DLG2: variants seen among roughly 807,000 people sequenced by gnomAD.
The protein encoded by DLG2 is disks large homolog 2.
A neutral mutation model predicts 132.5 loss-of-function variants in DLG2; 45 were observed. That is an observed-to-expected ratio of 0.34 (90% CI 0.27 to 0.44). DLG2 has a LOEUF of 0.44. DLG2 is among the 20% of genes least tolerant of loss of function. The pLI, the probability that DLG2 is intolerant of heterozygous loss-of-function variation, is 1.00. For missense variants in DLG2, 1,045 were observed against 1,196.9 expected (o/e 0.87, Z 1.87); for synonymous variants, 424 against 419.6 (o/e 1.01, Z -0.13).
chr11:83,930,281 A>T, intron 15 of DLG2, 47 bp downstream of exon 15: 1 of 1,603,400 alleles, frequency 6.2e-7, no homozygotes, highest in Non-Finnish European at 8.5e-7. Flanking sequence ...ATCCTTGTGG[A>T]AGCACATGCA....
At chr11:84,789,827 C>T (rs1470607507) in intron 6 of DLG2, among the ~76,000 whole-genome samples, 2 of 152,104 alleles carry the variant, frequency 1.3e-5, no homozygotes, top group Non-Finnish European at 2.9e-5. Context: ...AAAAGTGAGA[C>T]CATGCTAAGG....
intron 6 of DLG2, among the ~76,000 whole-genome samples, chr11:85,026,008 A>C (rs2060483813): frequency 1.3e-5 from 2 of 152,032 alleles, no homozygotes; most frequent in Non-Finnish European, 2.9e-5. Flanking sequence ...TACATAAGAC[A>C]ATAAAGATTT....
At position 85,407,752 on chromosome 11, in the gene DLG2, G is replaced by A. The variant is rs147262596; in HGVS notation, c.41-122387C>T. ...TACAACACAGAATTGTCCCACCCAA[G>A]AAGCAGGGAGATGGAATAATACTTA... On this transcript the variant is annotated intron_variant, in intron 3 of 27. Coordinates refer to ENST00000376104, the MANE Select transcript of DLG2 (RefSeq NM_001142699.3). Among the ~76,000 whole-genome samples, 574 of 151,930 alleles carry A rather than the reference G, an allele frequency of 3.8e-3. 7 individuals carry two copies. Among genetic ancestry groups the A allele is most frequent in the African/African-American group, 0.012 (498 of 41,498 alleles).
chr11:84,184,601 T>G (rs1408166738), intron 8 of DLG2, among the ~76,000 whole-genome samples: 2 of 152,184 alleles, frequency 1.3e-5, no homozygotes, highest in Non-Finnish European at 2.9e-5. Flanking sequence ...AATTCTGGCT[T>G]TTGTTGCCAT....
chr11:85,498,201 C>T (rs1006676377), intron 3 of DLG2, among the ~76,000 whole-genome samples: 2 of 152,092 alleles, frequency 1.3e-5, no homozygotes, highest in Non-Finnish European at 2.9e-5. Flanking sequence ...TGTGCAAATA[C>T]ACACACAGGC....
intron 6 of DLG2, among the ~76,000 whole-genome samples, chr11:84,627,125 C>A (rs2099624200): frequency 6.6e-6 from 1 of 152,060 alleles, no homozygotes. Flanking sequence ...CCTGCCTCAG[C>A]CTCCTAAAGT....
At chr11:83,890,110 T>C (rs989101297) in intron 15 of DLG2, among the ~76,000 whole-genome samples, 10 of 151,900 alleles carry the variant, frequency 6.6e-5, no homozygotes, top group Non-Finnish European at 1.2e-4. Flanking sequence ...TAAAGTACAA[T>C]AATAATAATA....
At chr11:83,818,007 C>T (rs1253090725) in intron 17 of DLG2, among the ~76,000 whole-genome samples, 1 of 152,218 alleles carries the variant, frequency 6.6e-6, no homozygotes, top group African/African-American at 2.4e-5. Flanking sequence ...CTCTCAAACA[C>T]ATACATTCCT....
chr11:83,518,335 A>G (rs1565601721), intron 21 of DLG2, among the ~76,000 whole-genome samples: 1 of 152,288 alleles, frequency 6.6e-6, no homozygotes, highest in East Asian at 1.9e-4. Flanking sequence ...GCGGGATATA[A>G]TCTCCTGGTG....
intron 3 of DLG2, among the ~76,000 whole-genome samples, chr11:85,476,385 T>C (rs1376290801): frequency 3.3e-5 from 5 of 152,166 alleles, no homozygotes; most frequent in Non-Finnish European, 5.9e-5. Flanking sequence ...TACACTACTG[T>C]AGACTTTATA....
chr11:85,613,040 T>C lies in DLG2; in HGVS notation c.-93+13547A>G, dbSNP rs2081106847. 1.3e-5 allele frequency among the ~76,000 whole-genome samples: 2 copies of C among 152,244 alleles called. 1 individual carries two copies. The highest frequency in any genetic ancestry group is 6.8e-3 in the Middle Eastern group (2 of 294). On this transcript the variant is annotated intron_variant, in intron 2 of 27. Coordinates refer to ENST00000376104, the MANE Select transcript of DLG2 (RefSeq NM_001142699.3). ...TTATACTAACCAGTCAGGGATAGTA[T>C]GAGATGCTGTCCGGCGTTTATAGGA...
chr11:85,341,213 A>G (rs1460733948), intron 3 of DLG2, among the ~76,000 whole-genome samples: 2 of 151,892 alleles, frequency 1.3e-5, no homozygotes, highest in Admixed American at 1.3e-4. Flanking sequence ...CCACCTCCCA[A>G]GTTCATGCCA....
Position 84,026,406 on chromosome 11 carries a change from C to T in DLG2, c.919+32909G>A, listed in dbSNP as rs375808757. Among the ~76,000 whole-genome samples the T allele has an allele frequency of 1.2e-3, 179 of 152,076 alleles. 2 individuals are homozygous for T. Among genetic ancestry groups the T allele is most frequent in the African/African-American group, 4.0e-3 (165 of 41,508 alleles). ...ATAATACAATACTGTGGCCTTATAA[C>T]GATTAGACTTGTAAAATCATAGAGC... On this transcript the variant is annotated intron_variant, in intron 11 of 27. Transcript: ENST00000376104.
intron 6 of DLG2, among the ~76,000 whole-genome samples, chr11:84,693,558 C>T (rs977552130): frequency 3.3e-5 from 5 of 151,552 alleles, no homozygotes; most frequent in African/African-American, 9.7e-5. Context: ...TTCCACATGC[C>T]GCAGGAAAAA....
intron 3 of DLG2, among the ~76,000 whole-genome samples, chr11:85,542,270 G>A (rs1598394111): frequency 6.6e-6 from 1 of 152,034 alleles, no homozygotes; most frequent in East Asian, 1.9e-4. Flanking sequence ...AAGAAATGGG[G>A]CACCACCTTC....
intron 3 of DLG2, among the ~76,000 whole-genome samples, chr11:85,399,444 T>C (rs1323679321): frequency 2.6e-5 from 4 of 152,148 alleles, no homozygotes; most frequent in Non-Finnish European, 5.9e-5. Context: ...AAAGTTCATA[T>C]GGAACCAAAA....
chr11:84,474,110 A>G (rs970590436), intron 7 of DLG2, among the ~76,000 whole-genome samples: 6 of 151,970 alleles, frequency 3.9e-5, no homozygotes, highest in Non-Finnish European at 7.4e-5. Context: ...GTTTCTCTCA[A>G]CATCACCTTT....
rs574647584 is a variant in DLG2 at position 84,262,958 on chromosome 11, C to A, written c.520-11667G>T. Among the ~76,000 whole-genome samples, 10 of 152,242 alleles carry A rather than the reference C, an allele frequency of 6.6e-5. No homozygotes were observed. In the South Asian group the frequency reaches 2.1e-3, roughly 32 times the overall value. The stretch of plus-strand genomic sequence containing the variant: ...AACCTGACAACCCAGGTGGTTCCTG[C>A]ATGGCTATAAAAAATCAGGCACTCT... On this transcript the variant is annotated intron_variant, in intron 7 of 27. Transcript: ENST00000376104.
intron 3 of DLG2, among the ~76,000 whole-genome samples, chr11:85,465,836 G>A (rs1050415539): frequency 6.6e-6 from 1 of 151,586 alleles, no homozygotes; most frequent in African/African-American, 2.4e-5. Context: ...TGGGATGGCT[G>A]GGTCAAATGG....
Sources: allele counts gnomAD v4.1 joint callset (sites outside exome capture counted in the v4.1 genomes callset), GRCh38; gene constraint gnomAD v4.1.1; transcripts MANE v1.5; gene names NCBI Gene and HGNC (gene_info 2026-07-23, HGNC 2026-07-21).